BAZ2B: variants seen among roughly 807,000 people sequenced by gnomAD.
BAZ2B encodes the protein bromodomain adjacent to zinc finger domain 2B.
BAZ2B carries 91 observed loss-of-function variants against 246.0 expected under a neutral mutation model. That is an observed-to-expected ratio of 0.37 (90% CI 0.31 to 0.44). The LOEUF (loss-of-function observed/expected upper bound fraction) is 0.44, where lower values mean the gene tolerates loss of function less well. Ranked by LOEUF, BAZ2B falls within the 20% of genes least tolerant of loss-of-function variation. The pLI is 1.00. For synonymous variants in BAZ2B, 855 were observed against 860.0 expected, an observed-to-expected ratio of 0.99 and a Z score of 0.10; for missense variants, 2,332 against 2,533.7, an observed-to-expected ratio of 0.92 and a Z score of 1.71.
At chr2:159,536,649 A>C (rs2086029831) in intron 2 of BAZ2B, among the ~76,000 whole-genome samples, 1 of 152,204 alleles carries the variant, frequency 6.6e-6, no homozygotes, top group Non-Finnish European at 1.5e-5. Flanking sequence ...AAAGCCAATG[A>C]AGGAAGAAGA....
At chr2:159,548,903 A>C (rs758375599) in intron 2 of BAZ2B, among the ~76,000 whole-genome samples, 4 of 152,232 alleles carry the variant, frequency 2.6e-5, no homozygotes, top group Non-Finnish European at 4.4e-5. Flanking sequence ...GGTATCTAGC[A>C]CTTACCAAAG....
rs1289844278 is a variant in BAZ2B, at chr2:159,428,438, A to C, written c.2256-19T>G. The C allele has an allele frequency of 1.3e-6, 2 of 1,574,292 alleles. No homozygotes were observed. The highest frequency in any genetic ancestry group is 1.7e-6 in the Non-Finnish European group (2 of 1,146,666). On this transcript the variant is annotated intron_variant, in intron 11 of 36. Coordinates refer to ENST00000392783, the MANE Select transcript of BAZ2B (RefSeq NM_013450.4). Reference sequence around the variant, plus strand: ...CTGCCAGCTACACATAACAGAAATGAAGGTTATGACATACTTAATTTCAAG... The same window carrying C: ...CTGCCAGCTACACATAACAGAAATGCAGGTTATGACATACTTAATTTCAAG...
the BAZ2B span, chr2:159,693,710 CTT>C: frequency 1.2e-4 from 17 of 142,240 alleles, no homozygotes; most frequent in East Asian, 2.0e-4. Flanking sequence ...ACCTGACCAT[CTT>C]TTTTTTTTTT....
intron 2 of BAZ2B, among the ~76,000 whole-genome samples, chr2:159,545,924 T>C (rs2087274108): frequency 1.3e-5 from 2 of 152,210 alleles, no homozygotes; most frequent in Non-Finnish European, 2.9e-5. Flanking sequence ...CGGATAAGGA[T>C]AAACTATTCC....
In BAZ2B at chr2:159,370,137, A is replaced by G. The variant is rs749644830; in HGVS notation, c.4213+2908T>C. 6.2e-4 allele frequency among the ~76,000 whole-genome samples: 94 copies of G among 152,210 alleles called. 2 individuals carry two copies. Among genetic ancestry groups the G allele is most frequent in the Non-Finnish European group, 4.3e-4 (29 of 67,996 alleles). ...TTGAACAATGAGAACACTTGGACAC[A>G]GGAAGGGGAACATCACACACTGGGG... On this transcript the variant is annotated intron_variant, in intron 27 of 36. Coordinates refer to ENST00000392783, the MANE Select transcript of BAZ2B (RefSeq NM_013450.4).
intron 1 of BAZ2B, among the ~76,000 whole-genome samples, chr2:159,580,683 A>C (rs1686540901): frequency 6.6e-6 from 1 of 152,222 alleles, no homozygotes; most frequent in East Asian, 1.9e-4. Flanking sequence ...AGGCTACAGT[A>C]ACCAAAACAG....
intron 3 of BAZ2B, chr2:159,462,864 T>C (rs960530718): frequency 1.2e-6 from 2 of 1,602,388 alleles, no homozygotes; most frequent in East Asian, 2.2e-5. Context: ...GTCTTTCACA[T>C]AGGCTCTTAA....
chr2:159,400,811 TG>T lies in BAZ2B; in HGVS notation c.2833-148del, dbSNP rs2064892086. On this transcript the variant is annotated intron_variant, in intron 16 of 36. Transcript: ENST00000392783. Reference sequence around the variant, plus strand: ...ATCCCAGCACTTTGGGAGGCCAAGGTGGGCGGATCACAAGGTCAGGAGATCG... The same window carrying T: ...ATCCCAGCACTTTGGGAGGCCAAGGTGGCGGATCACAAGGTCAGGAGATCG... 21 of 473,822 alleles carry T rather than the reference TG, an allele frequency of 4.4e-5. No individual in the cohort carries two copies. In the South Asian group the frequency reaches 4.6e-4, roughly 10 times the overall value. The allele number at this position is 473,822 out of a possible 1,614,324, so 29.4% of individuals were successfully genotyped here. A position where few individuals can be genotyped will look rare whatever the true frequency, so the allele number is the denominator to read the frequency against.
At chr2:159,349,350 T>A (rs1184177903) in intron 28 of BAZ2B, 70 bp from the exon 29 acceptor site, 1 of 1,430,074 alleles carries the variant, frequency 7.0e-7, no homozygotes, top group Admixed American at 2.5e-5. Flanking sequence ...GTTTGGAATA[T>A]GAAATTATTT....
chr2:159,365,455 A>G (rs1426475380), intron 27 of BAZ2B, among the ~76,000 whole-genome samples: 5 of 152,206 alleles, frequency 3.3e-5, no homozygotes, highest in Admixed American at 6.5e-5. Context: ...TTTACACCTC[A>G]ATAGTTATTT....
chr2:159,543,426 C>A (rs1233082011), intron 2 of BAZ2B, among the ~76,000 whole-genome samples: 2 of 150,878 alleles, frequency 1.3e-5, no homozygotes, highest in Admixed American at 1.3e-4. Flanking sequence ...CTTTTTTTTT[C>A]TCTCTCAAGC....
At chr2:159,517,306 T>C (rs931429597) in intron 2 of BAZ2B, among the ~76,000 whole-genome samples, 6 of 152,022 alleles carry the variant, frequency 3.9e-5, no homozygotes, top group East Asian at 1.9e-4. Context: ...GTCCATAGTT[T>C]TTTTTTTCCC....
At chr2:159,648,654 C>T in the BAZ2B span, among the ~76,000 whole-genome samples, 7 of 152,178 alleles carry the variant, frequency 4.6e-5, no homozygotes, top group African/African-American at 9.6e-5. Flanking sequence ...TTAAATTGTT[C>T]GTTCTCTTTT....
chr2:159,507,835 G>A (rs952810229), intron 2 of BAZ2B, among the ~76,000 whole-genome samples: 2 of 152,092 alleles, frequency 1.3e-5, no homozygotes, highest in African/African-American at 4.8e-5. Context: ...TCAAAATGGA[G>A]GTAGAGACGT....
intron 1 of BAZ2B, among the ~76,000 whole-genome samples, chr2:159,603,806 T>C (rs1692750843): frequency 6.6e-6 from 1 of 152,214 alleles, no homozygotes; most frequent in Non-Finnish European, 1.5e-5. Flanking sequence ...ATTATTTTAG[T>C]TCTTTCTTAG....
intron 1 of BAZ2B, among the ~76,000 whole-genome samples, chr2:159,567,187 G>A (rs1682827711): frequency 2.0e-5 from 3 of 149,764 alleles, no homozygotes; most frequent in Admixed American, 6.6e-5. Flanking sequence ...AGGTTGTAGT[G>A]AGCCGAGATC....
chr2:159,347,447 A>G, intron 31 of BAZ2B, 39 bp downstream of exon 31: 2 of 1,585,368 alleles, frequency 1.3e-6, no homozygotes, highest in Non-Finnish European at 1.7e-6. Flanking sequence ...GTTATCTTCC[A>G]TTATCCTAAA....
chr2:159,596,824 T>C (rs913238500), intron 1 of BAZ2B, among the ~76,000 whole-genome samples: 1 of 152,234 alleles, frequency 6.6e-6, no homozygotes, highest in Non-Finnish European at 1.5e-5. Flanking sequence ...CTTAGAATAA[T>C]AGTCTCCAAT....
chr2:159,692,299 C>T, the BAZ2B span, among the ~76,000 whole-genome samples: 2 of 151,904 alleles, frequency 1.3e-5, no homozygotes, highest in Non-Finnish European at 2.9e-5. Context: ...GGAGTACAGG[C>T]ACGCACAGTA....
Sources: gnomAD v4.1 joint callset for allele counts (sites outside exome capture counted in the v4.1 genomes callset) on GRCh38, gnomAD v4.1.1 for gene constraint, MANE v1.5 for transcripts, NCBI Gene and HGNC (gene_info 2026-07-23, HGNC 2026-07-21) for gene names.